The following PIP4K2A variants were observed in gnomAD, a reference collection of about 807,000 sequenced individuals.
PIP4K2A encodes phosphatidylinositol-5-phosphate 4-kinase type 2 alpha.
A neutral mutation model predicts 42.9 loss-of-function variants in PIP4K2A; 14 were observed. The ratio of observed to expected loss-of-function variants is 0.33; its 90% CI spans 0.22 to 0.51. The LOEUF is 0.51. PIP4K2A is among the 20% of genes least tolerant of loss of function. The pLI is 0.97. For missense variants in PIP4K2A, 434 were observed against 519.8 expected, an observed-to-expected ratio of 0.83 and a Z score of 1.61; for synonymous variants, 192 against 192.2, an observed-to-expected ratio of 1.00 and a Z score of 0.01.
chr10:22,569,851 G>A (rs1836941867), intron 5 of PIP4K2A, among the ~76,000 whole-genome samples: 1 of 152,038 alleles, frequency 6.6e-6, no homozygotes, highest in Non-Finnish European at 1.5e-5. Flanking sequence ...AGAAAAGGAA[G>A]GCCAAGAGTT....
intron 5 of PIP4K2A, among the ~76,000 whole-genome samples, chr10:22,571,708 A>T (rs147392338): frequency 5.4e-4 from 83 of 152,348 alleles, no homozygotes; most frequent in African/African-American, 1.9e-3. Context: ...TTGGTGTAGT[A>T]TCAAAGAAGA....
Position 22,660,376 on chromosome 10 carries a change from C to T in PIP4K2A, c.145-50659G>A, listed in dbSNP as rs577907051. ...ATCCCAGCTACTTGGGAGGCTGAGG[C>T]AGGAGAACTGCTTGAACCCGGGAGG... On this transcript the variant is annotated intron_variant, in intron 1 of 9. Coordinates refer to ENST00000376573, the MANE Select transcript of PIP4K2A (RefSeq NM_005028.5). Among the ~76,000 whole-genome samples the T allele has an allele frequency of 1.2e-4, 19 of 152,204 alleles. No homozygotes were observed. In the South Asian group the frequency reaches 2.9e-3, roughly 23 times the overall value.
chr10:22,549,887 A>C (rs1836359608), intron 7 of PIP4K2A, among the ~76,000 whole-genome samples: 1 of 146,448 alleles, frequency 6.8e-6, no homozygotes, highest in Non-Finnish European at 1.5e-5. Flanking sequence ...AAGGAAAGAA[A>C]ATAACCTTTT....
At chr10:22,674,811 A>C (rs1839523497) in intron 1 of PIP4K2A, among the ~76,000 whole-genome samples, 3 of 151,858 alleles carry the variant, frequency 2.0e-5, no homozygotes, top group Non-Finnish European at 4.4e-5. Context: ...ATAAATAAAT[A>C]AAACCCAGCC....
At chr10:22,602,001 G>A (rs1837792341) in intron 3 of PIP4K2A, among the ~76,000 whole-genome samples, 1 of 152,140 alleles carries the variant, frequency 6.6e-6, no homozygotes, top group African/African-American at 2.4e-5. Flanking sequence ...TTTACATGGT[G>A]GGTGACGGAG....
intron 1 of PIP4K2A, among the ~76,000 whole-genome samples, chr10:22,614,476 G>T (rs1012125691): frequency 1.3e-5 from 2 of 152,090 alleles, no homozygotes; most frequent in Non-Finnish European, 2.9e-5. Flanking sequence ...CTTTACATTT[G>T]CATCACATTG....
chr10:22,566,239 G>A (rs1020453363), intron 6 of PIP4K2A, among the ~76,000 whole-genome samples: 1 of 152,148 alleles, frequency 6.6e-6, no homozygotes, highest in Non-Finnish European at 1.5e-5. Flanking sequence ...TCCCCTGGAC[G>A]CCCAGCTTTA....
chr10:22,689,449 T>C (rs1216901183), intron 1 of PIP4K2A, among the ~76,000 whole-genome samples: 1 of 151,804 alleles, frequency 6.6e-6, no homozygotes, highest in Admixed American at 6.6e-5. Flanking sequence ...ATGTACAGAC[T>C]TTTTTTCGTG....
intron 1 of PIP4K2A, among the ~76,000 whole-genome samples, chr10:22,645,578 A>C (rs1156693795): frequency 6.6e-6 from 1 of 151,716 alleles, no homozygotes; most frequent in East Asian, 1.9e-4. Context: ...AAAGAAAAGA[A>C]AAGAAAGAAA....
chr10:22,571,878 G>A (rs1836995943), intron 5 of PIP4K2A, among the ~76,000 whole-genome samples: 1 of 152,176 alleles, frequency 6.6e-6, no homozygotes, highest in Non-Finnish European at 1.5e-5. Context: ...CTCACATTAA[G>A]TCAAGACATT....
intron 1 of PIP4K2A, among the ~76,000 whole-genome samples, chr10:22,707,569 CAGCTCTTAAGACTAAGAAAATAA>C: frequency 6.6e-6 from 1 of 152,202 alleles, no homozygotes; most frequent in African/African-American, 2.4e-5. Flanking sequence ...CCAAGAAGAA[CAGCTCTTAAGACTAAGAAAATAA>C]AAGAACTCAA....
chr10:22,553,993 G>T (rs1836474035), intron 6 of PIP4K2A, among the ~76,000 whole-genome samples: 1 of 151,772 alleles, frequency 6.6e-6, no homozygotes. Context: ...TAAAACATAT[G>T]AGATAACCGT....
At position 22,714,119 on chromosome 10, in the gene PIP4K2A, G is replaced by A. The variant is rs911489878; in HGVS notation, c.144+64C>T. 4.0e-6 allele frequency: 6 copies of A among 1,488,678 alleles called. No homozygotes were observed. The African/African-American group carries it at 4.2e-5, about 10-fold the overall frequency. 92.2% of individuals were successfully genotyped at this position (1,488,678 alleles called of 1,614,324 possible). A position where few individuals can be genotyped will look rare whatever the true frequency, so the allele number is the denominator to read the frequency against. ...CCCCGCAGCAGCTGCAGCCGGAGGA[G>A]GAGGGGAACGAGGAGGAAGAGGAGG... is the stretch of plus-strand genomic sequence containing the variant. On this transcript the variant is annotated intron_variant, in intron 1 of 9. Transcript: ENST00000376573.
intron 4 of PIP4K2A, among the ~76,000 whole-genome samples, chr10:22,584,747 C>T (rs144012636): frequency 1.6e-3 from 238 of 152,286 alleles, no homozygotes; most frequent in African/African-American, 5.5e-3. Flanking sequence ...AAGACGTGTC[C>T]GCAGTTTACA....
chr10:22,646,493 C>T (rs547906178), intron 1 of PIP4K2A, among the ~76,000 whole-genome samples: 1 of 152,202 alleles, frequency 6.6e-6, no homozygotes, highest in South Asian at 2.1e-4. Context: ...GTTTTCAGTT[C>T]ACACATTTTT....
chr10:22,614,355 C>T (rs567000066), intron 1 of PIP4K2A, among the ~76,000 whole-genome samples: 2 of 152,298 alleles, frequency 1.3e-5, no homozygotes, highest in Admixed American at 6.5e-5. Context: ...GTAATATGTC[C>T]TGGTACAGCA....
chr10:22,673,271 C>T (rs540273072), intron 1 of PIP4K2A, among the ~76,000 whole-genome samples: 9 of 152,218 alleles, frequency 5.9e-5, no homozygotes, highest in Non-Finnish European at 1.0e-4. Flanking sequence ...TATAATTATG[C>T]TTATCTCTGT....
At chr10:22,710,622 C>T (rs1588720448) in intron 1 of PIP4K2A, among the ~76,000 whole-genome samples, 1 of 152,320 alleles carries the variant, frequency 6.6e-6, no homozygotes, top group East Asian at 1.9e-4. Flanking sequence ...CACACCCACA[C>T]ACTCAAGCAC....
chr10:22,539,890 AGAGAGAGAGAGAGAGAGAGAGG>A lies in PIP4K2A; in HGVS notation c.1140+59_1140+80del, dbSNP rs1363955070. 1,441 of 638,390 alleles carry A rather than the reference AGAGAGAGAGAGAGAGAGAGAGG, an allele frequency of 2.3e-3. 18 individuals carry two copies. In the African/African-American group the frequency reaches 0.044, roughly 19 times the overall value. 39.5% of individuals were successfully genotyped at this position (638,390 alleles called of 1,614,324 possible). On this transcript the variant is annotated intron_variant, in intron 9 of 9. Transcript: ENST00000376573. The stretch of plus-strand genomic sequence containing the variant: ...ACAGGTCACACAGAGGAGCCAGGAG[AGAGAGAGAGAGAGAGAGAGAGG>A]GAGAGAGAGAGAGAGAGAGGGAGAG...
Sources: allele counts gnomAD v4.1 joint callset (sites outside exome capture counted in the v4.1 genomes callset), GRCh38; gene constraint gnomAD v4.1.1; transcripts MANE v1.5; gene names NCBI Gene and HGNC (gene_info 2026-07-23, HGNC 2026-07-21).